Variants in PARD6G observed in about 807,000 individuals in gnomAD.
PARD6G encodes the protein par-6 family cell polarity regulator gamma, also known as partitioning defective 6 homolog gamma.
Under a neutral mutation model 10.7 loss-of-function variants are expected in PARD6G, and 7 were observed. The observed-to-expected ratio is 0.66, with a 90% CI of 0.37 to 1.23. The LOEUF (loss-of-function observed/expected upper bound fraction) is 1.23, where lower values mean the gene tolerates loss of function less well. Ranked by LOEUF, PARD6G falls within the 50% of genes most tolerant of loss-of-function variation. The pLI, the probability that PARD6G is intolerant of heterozygous loss-of-function variation, is 0.02. For missense variants in PARD6G, 548 were observed against 571.8 expected (o/e 0.96, Z 0.42); for synonymous variants, 287 against 269.4 (o/e 1.07, Z -0.64).
Position 80,175,065 on chromosome 18 carries a change from A to ATG in PARD6G, c.296-14460_296-14459insCA, listed in dbSNP as rs1482773297. 6.6e-6 allele frequency among the ~76,000 whole-genome samples: 1 copy of ATG among 152,236 alleles called. No individual in the cohort carries two copies. The highest frequency in any genetic ancestry group is 1.9e-4 in the East Asian group (1 of 5,200). ...CAACAGAGGCCAGGCTGGGATCAGA[A>ATG]GACTAAACAGACTGGAGAAAATGGA... On this transcript the variant is annotated intron_variant, in intron 2 of 2. Coordinates refer to ENST00000353265, the MANE Select transcript of PARD6G (RefSeq NM_032510.4). This position sits in a 1 kb window ranked among gnomAD's most constrained non-coding sequence, Gnocchi z 6.7.
At chr18:80,226,377 G>A (rs1427769786) in intron 1 of PARD6G, among the ~76,000 whole-genome samples, 2 of 151,922 alleles carry the variant, frequency 1.3e-5, no homozygotes, top group African/African-American at 4.8e-5. Flanking sequence ...CTCCATGTTG[G>A]TCAGGCTGGT....
At chr18:80,187,408 G>A (rs1312746659) in intron 2 of PARD6G, among the ~76,000 whole-genome samples, 3 of 152,240 alleles carry the variant, frequency 2.0e-5, no homozygotes, top group Non-Finnish European at 4.4e-5. Flanking sequence ...GTGTGTGTGA[G>A]AAGGATTCTA....
At chr18:80,164,717 A>G (rs2052723693) in intron 2 of PARD6G, among the ~76,000 whole-genome samples, 1 of 152,254 alleles carries the variant, frequency 6.6e-6, no homozygotes, top group Admixed American at 6.5e-5. Context: ...GAAAGAGTAC[A>G]AAGAGAGGAA....
At position 80,157,617 on chromosome 18, in the gene PARD6G, C is replaced by T. The variant is rs572616090; in HGVS notation, c.*2154G>A. On this transcript the variant is annotated 3_prime_UTR_variant, in exon 3 of 3. Transcript: ENST00000353265. ...AGTTTTAGTTCCACAAAAACTGCTT[C>T]TGACTGCTGGGGCACTGAACGACAT... The T allele has an allele frequency of 2.6e-5, 4 of 152,318 alleles. No individual in the cohort carries two copies. The highest frequency in any genetic ancestry group is 9.6e-5 in the African/African-American group (4 of 41,574). 9.4% of individuals were successfully genotyped at this position (152,318 alleles called of 1,614,324 possible).
intron 2 of PARD6G, chr18:80,170,302 C>G (rs926056576): frequency 2.0e-5 from 3 of 152,276 alleles, no homozygotes; most frequent in African/African-American, 7.2e-5. Flanking sequence ...GTCTTCAAAC[C>G]CCAAGACCTG....
At chr18:80,172,688 TTG>T (rs1482363636) in intron 2 of PARD6G, among the ~76,000 whole-genome samples, 1 of 152,186 alleles carries the variant, frequency 6.6e-6, no homozygotes, top group African/African-American at 2.4e-5. Context: ...CCCAGCTGGG[TTG>T]TCTTTTCTAT....
At chr18:80,229,101 G>A (rs985595307) in intron 1 of PARD6G, among the ~76,000 whole-genome samples, 1 of 152,048 alleles carries the variant, frequency 6.6e-6, no homozygotes, top group Non-Finnish European at 1.5e-5. Context: ...ACCACACCCG[G>A]CTAATTTTTT....
chr18:80,228,820 A>C lies in PARD6G; in HGVS notation c.72+18457T>G, dbSNP rs1967326358. On this transcript the variant is annotated intron_variant, in intron 1 of 2. Coordinates refer to ENST00000353265, the MANE Select transcript of PARD6G (RefSeq NM_032510.4). This position sits in a 1 kb window ranked among gnomAD's most constrained non-coding sequence, Gnocchi z 4.6. The stretch of plus-strand genomic sequence containing the variant: ...ACTGCAGGTGATCAGAAACAGAGAC[A>C]GATTCCCACAGGAAATGTTCATCAA... Among the ~76,000 whole-genome samples the C allele has an allele frequency of 6.6e-6, 1 of 152,262 alleles. No homozygotes were observed. Among genetic ancestry groups the C allele is most frequent in the African/African-American group, 2.4e-5 (1 of 41,472 alleles).
At position 80,247,229 on chromosome 18, in the gene PARD6G, T is replaced by C. The variant is rs1967563576; in HGVS notation, c.72+48A>G. The C allele has an allele frequency of 1.4e-6, 2 of 1,468,076 alleles. No individual in the cohort carries two copies. The highest frequency in any genetic ancestry group is 5.4e-5 in the East Asian group (2 of 36,812). 90.9% of individuals were successfully genotyped at this position (1,468,076 alleles called of 1,614,324 possible). A position where few individuals can be genotyped will look rare whatever the true frequency, so the allele number is the denominator to read the frequency against. ...CCCCTCCGCGGGGCGCCCCATTCAT[T>C]AGCCAGGAGACTGGGCGCAGGGCCG... is the stretch of plus-strand genomic sequence containing the variant. On this transcript the variant is annotated intron_variant, in intron 1 of 2. Transcript: ENST00000353265. This position sits in a 1 kb window ranked among gnomAD's most constrained non-coding sequence, Gnocchi z 4.2.
At chr18:80,221,532 C>T (rs889585930) in intron 1 of PARD6G, among the ~76,000 whole-genome samples, 8 of 152,238 alleles carry the variant, frequency 5.3e-5, no homozygotes, top group Middle Eastern at 3.4e-3. Context: ...ACTCAACAAA[C>T]TAGGAATAGA....
intron 1 of PARD6G, among the ~76,000 whole-genome samples, chr18:80,243,289 A>T (rs1967508914): frequency 6.6e-6 from 1 of 152,222 alleles, no homozygotes; most frequent in Non-Finnish European, 1.5e-5. Flanking sequence ...AATATTACTG[A>T]CATGAAAAAA....
intron 2 of PARD6G, chr18:80,162,435 C>T (rs867148716): frequency 5.4e-5 from 9 of 168,166 alleles, no homozygotes; most frequent in Middle Eastern, 1.7e-3. Context: ...CTGTGACCAC[C>T]GGGGCTGGGT....
intron 1 of PARD6G, among the ~76,000 whole-genome samples, chr18:80,208,786 T>C (rs1967080170): frequency 6.6e-6 from 1 of 152,140 alleles, no homozygotes; most frequent in South Asian, 2.1e-4. Flanking sequence ...TTGCTGTGCC[T>C]GGCCTAGGTT....
At chr18:80,179,222 CA>C (rs1455510118) in intron 2 of PARD6G, among the ~76,000 whole-genome samples, 10 of 113,660 alleles carry the variant, frequency 8.8e-5, no homozygotes, top group African/African-American at 2.7e-4. Flanking sequence ...TGGCTGCAGT[CA>C]TTTTTTTTTT....
In PARD6G at chr18:80,183,947, C is replaced by T. The variant is rs1283178421; in HGVS notation, c.295+18763G>A. 2 of 152,240 alleles carry T rather than the reference C, an allele frequency of 1.3e-5. No homozygotes were observed. The highest frequency in any genetic ancestry group is 1.5e-5 in the Non-Finnish European group (1 of 68,054). The allele number at this position is 152,240 out of a possible 1,614,324, so 9.4% of individuals were successfully genotyped here. ...CCAGTGTCCTGTGCAGTGATGACCA[C>T]ACTGTTAGAAGCATTTTAACTCTTG... On this transcript the variant is annotated intron_variant, in intron 2 of 2. Coordinates refer to ENST00000353265, the MANE Select transcript of PARD6G (RefSeq NM_032510.4). This position sits in a 1 kb window ranked among gnomAD's most constrained non-coding sequence, Gnocchi z 4.5.
intron 1 of PARD6G, among the ~76,000 whole-genome samples, chr18:80,242,558 C>G (rs12709641): frequency 0.18 from 27,960 of 152,240 alleles, 3,376 homozygotes; most frequent in African/African-American, 0.34. Flanking sequence ...ATCAGCCAGC[C>G]CACCAACAGG....
intron 2 of PARD6G, among the ~76,000 whole-genome samples, chr18:80,185,725 C>A (rs534279658): frequency 7.3e-5 from 11 of 150,746 alleles, no homozygotes; most frequent in African/African-American, 2.7e-4. Context: ...CACCCTCACA[C>A]ACGCATATAC....
chr18:80,211,857 T>A (rs560843495), intron 1 of PARD6G, among the ~76,000 whole-genome samples: 1 of 152,280 alleles, frequency 6.6e-6, no homozygotes, highest in African/African-American at 2.4e-5. Flanking sequence ...GTACTCGAAA[T>A]TTTATCACAG....
rs1197029130 is a variant in PARD6G, at chr18:80,192,452, G to A, written c.295+10258C>T. 6.6e-6 allele frequency among the ~76,000 whole-genome samples: 1 copy of A among 151,240 alleles called. No individual in the cohort carries two copies. Among genetic ancestry groups the A allele is most frequent in the Non-Finnish European group, 1.5e-5 (1 of 67,850 alleles). ...GGGGACGGGGGAGAGCAGGTGCCACGGCGGGAGCCCAGGGGACGGGGGAGA... is the reference window on the plus strand; with the variant it reads ...GGGGACGGGGGAGAGCAGGTGCCACAGCGGGAGCCCAGGGGACGGGGGAGA... On this transcript the variant is annotated intron_variant, in intron 2 of 2. Coordinates refer to ENST00000353265, the MANE Select transcript of PARD6G (RefSeq NM_032510.4). The surrounding 1 kb of genome is among the most constrained non-coding windows in gnomAD (Gnocchi z 4.9).
Sources: allele counts gnomAD v4.1 joint callset (sites outside exome capture counted in the v4.1 genomes callset), GRCh38; gene constraint gnomAD v4.1.1; non-coding constraint Gnocchi (gnomAD v3.1); transcripts MANE v1.5; gene names NCBI Gene and HGNC (gene_info 2026-07-23, HGNC 2026-07-21).